Variants in CPEB1 observed in about 807,000 individuals in gnomAD.
CPEB1 encodes cytoplasmic polyadenylation element-binding protein 1.
Under a neutral mutation model 65.8 loss-of-function variants are expected in CPEB1, and 7 were observed. The ratio of observed to expected loss-of-function variants is 0.11; its 90% CI spans 0.06 to 0.20. The LOEUF (loss-of-function observed/expected upper bound fraction) is 0.20, where lower values mean the gene tolerates loss of function less well. Ranked by LOEUF, CPEB1 falls within the 10% of genes least tolerant of loss-of-function variation. CPEB1 has a pLI of 1.00. For synonymous variants in CPEB1, 262 were observed against 260.0 expected, an observed-to-expected ratio of 1.01 and a Z score of -0.08; for missense variants, 551 against 712.2, an observed-to-expected ratio of 0.77 and a Z score of 2.58.
chr15:82,602,174 T>C (rs2043176447), intron 3 of CPEB1, among the ~76,000 whole-genome samples: 1 of 152,170 alleles, frequency 6.6e-6, no homozygotes, highest in African/African-American at 2.4e-5. Flanking sequence ...ATGACCATAG[T>C]GGAATTAAGA....
chr15:82,605,611 C>T (rs930031297), intron 3 of CPEB1, among the ~76,000 whole-genome samples: 2 of 152,050 alleles, frequency 1.3e-5, no homozygotes, highest in African/African-American at 4.8e-5. Context: ...CATTTCACAG[C>T]GTATACATAT....
intron 6 of CPEB1, among the ~76,000 whole-genome samples, chr15:82,555,016 A>G (rs1567173046): frequency 6.6e-6 from 1 of 152,212 alleles, no homozygotes; most frequent in Non-Finnish European, 1.5e-5. Context: ...TCTGTGAGCA[A>G]ACAGACACAC....
intron 3 of CPEB1, among the ~76,000 whole-genome samples, chr15:82,595,565 AAC>A (rs1387308539): frequency 6.6e-6 from 1 of 152,224 alleles, no homozygotes; most frequent in Non-Finnish European, 1.5e-5. Context: ...AGACACATCA[AAC>A]ACATTAAATC....
chr15:82,598,645 C>T (rs1226418789), intron 3 of CPEB1, among the ~76,000 whole-genome samples: 2 of 151,938 alleles, frequency 1.3e-5, no homozygotes, highest in South Asian at 2.1e-4. Context: ...ATTAGCTGGG[C>T]GTGGTGGTGG....
At chr15:82,647,929 C>T (rs1283981014), upstream of CPEB1, 9 of 1,211,462 alleles carry the variant, frequency 7.4e-6, no homozygotes, top group African/African-American at 3.1e-5. Flanking sequence ...GGGCGAGAGA[C>T]GCGCACGCAC....
rs192009872 is a variant in CPEB1 at position 82,558,727 on chromosome 15, G to C, written c.461-741C>G. On this transcript the variant is annotated intron_variant, in intron 4 of 12. Transcript: ENST00000684509. Reference sequence around the variant, plus strand: ...GGAGTATCAACTATTTCATGACATTGTTAGGACAGCTCAATAATTAGATAC... The same window carrying C: ...GGAGTATCAACTATTTCATGACATTCTTAGGACAGCTCAATAATTAGATAC... 1.7e-3 allele frequency among the ~76,000 whole-genome samples: 262 copies of C among 152,228 alleles called. 1 individual carries two copies. The highest frequency in any genetic ancestry group is 2.7e-3 in the Non-Finnish European group (182 of 68,022).
intron 1 of CPEB1, among the ~76,000 whole-genome samples, chr15:82,646,840 C>G (rs972637779): frequency 6.6e-6 from 1 of 152,056 alleles, no homozygotes; most frequent in Non-Finnish European, 1.5e-5. Flanking sequence ...TGGGTGAGTC[C>G]CCCCACACTC....
At chr15:82,599,203 C>T (rs181075861) in intron 3 of CPEB1, among the ~76,000 whole-genome samples, 67 of 152,154 alleles carry the variant, frequency 4.4e-4, no homozygotes, top group African/African-American at 1.5e-3. Context: ...AGAATAAAAA[C>T]GTTGAAAAAT....
intron 4 of CPEB1, among the ~76,000 whole-genome samples, chr15:82,559,654 C>G (rs2037848433): frequency 6.6e-6 from 1 of 152,284 alleles, no homozygotes; most frequent in South Asian, 2.1e-4. Context: ...TTTTGTTTTT[C>G]AAGGAAACAT....
At position 82,557,942 on chromosome 15, in the gene CPEB1, G is replaced by A; in HGVS notation, c.505C>T (p.Pro169Ser). 1.2e-6 allele frequency: 2 copies of A among 1,613,636 alleles called. No individual in the cohort carries two copies. Among genetic ancestry groups the A allele is most frequent in the Non-Finnish European group, 1.7e-6 (2 of 1,179,784 alleles). ...TCCAGAGGCAGGAAGCTCAAGGGGG[G>A]TTTTCCTAGGACATTTCCCAGTGGG... is the stretch of plus-strand genomic sequence containing the variant. ...HNPLGNVLGK[P>S]PLSFLPLDPL... is the part of the protein sequence containing the mutation. The change falls in exon 5 of 13, where the codon CCC becomes TCC. Residue 169 changes from proline (P) to serine (S), a missense_variant. Physicochemically the swap from Pro to Ser is moderately conservative, Grantham distance 74. This residue lies in a region of CPEB1 where 223 missense variants were observed against 228.6 expected (regional missense o/e 0.98). Transcript: ENST00000684509.
At chr15:82,555,220 TATGTTTCCCAGGC>T (rs1373035524) in intron 6 of CPEB1, among the ~76,000 whole-genome samples, 5 of 152,268 alleles carry the variant, frequency 3.3e-5, no homozygotes, top group African/African-American at 1.2e-4. Flanking sequence ...GGGGTCTTGC[TATGTTTCCCAGGC>T]TGGGCAACTC....
At chr15:82,566,818 A>G (rs111245495) in intron 4 of CPEB1, among the ~76,000 whole-genome samples, 135 of 152,196 alleles carry the variant, frequency 8.9e-4, no homozygotes, top group African/African-American at 3.2e-3. Flanking sequence ...TTGACTCCAC[A>G]ATACAGCTCA....
At position 82,612,864 on chromosome 15, in the gene CPEB1, A is replaced by G. The variant is rs185878832; in HGVS notation, c.271+14329T>C. ...AAAGAACAAACAAACAAACAAACAA[A>G]CAAAACAAACAAACAAAAAACTGAA... On this transcript the variant is annotated intron_variant, in intron 3 of 12. Coordinates refer to ENST00000684509, the MANE Select transcript of CPEB1 (RefSeq NM_001365242.1). 1.8e-4 allele frequency among the ~76,000 whole-genome samples: 27 copies of G among 151,924 alleles called. 1 individual carries two copies. Among genetic ancestry groups the G allele is most frequent in the Admixed American group, 1.6e-3 (25 of 15,228 alleles).
rs74461587 is a variant in CPEB1, at chr15:82,628,488, T to C, written c.-29A>G. On this transcript the variant is annotated 5_prime_UTR_variant, in exon 2 of 13. Coordinates refer to ENST00000684509, the MANE Select transcript of CPEB1 (RefSeq NM_001365242.1). ...GACATTAGATGATCTGGCAAAAGGG[T>C]TCCGATTATTCAAGGCTGCTTTTGA... is the stretch of plus-strand genomic sequence containing the variant. The C allele has an allele frequency of 4.2e-3, 2,914 of 702,104 alleles. 55 individuals are homozygous for C. The African/African-American group carries it at 0.043, about 10-fold the overall frequency. 43.5% of individuals were successfully genotyped at this position (702,104 alleles called of 1,614,324 possible).
intron 1 of CPEB1, among the ~76,000 whole-genome samples, chr15:82,630,893 G>A (rs2046189934): frequency 6.6e-6 from 1 of 152,074 alleles, no homozygotes; most frequent in African/African-American, 2.4e-5. Flanking sequence ...ACAAAATTGT[G>A]TCTTTTCAAT....
At chr15:82,588,652 T>C (rs932074944) in intron 3 of CPEB1, among the ~76,000 whole-genome samples, 4 of 152,210 alleles carry the variant, frequency 2.6e-5, no homozygotes, top group Non-Finnish European at 5.9e-5. Flanking sequence ...AACATTGATC[T>C]TGACTTACTT....
intron 5 of CPEB1, among the ~76,000 whole-genome samples, chr15:82,557,122 T>C (rs181076071): frequency 2.0e-5 from 3 of 152,300 alleles, no homozygotes; most frequent in East Asian, 1.9e-4. Context: ...CTATCTATAA[T>C]ATCCCCTACC....
intron 3 of CPEB1, among the ~76,000 whole-genome samples, chr15:82,615,427 G>T (rs2044619860): frequency 6.6e-6 from 1 of 152,260 alleles, no homozygotes; most frequent in African/African-American, 2.4e-5. Flanking sequence ...CAATTTAGTT[G>T]TCAACTATGT....
intron 1 of CPEB1, among the ~76,000 whole-genome samples, chr15:82,632,370 A>T (rs2046334945): frequency 6.6e-6 from 1 of 152,168 alleles, no homozygotes; most frequent in South Asian, 2.1e-4. Context: ...CATGAAATTA[A>T]ATTTTGACTG....
Sources: allele counts gnomAD v4.1 joint callset (sites outside exome capture counted in the v4.1 genomes callset), GRCh38; gene constraint gnomAD v4.1.1; regional missense constraint gnomAD v4.1.1; transcripts MANE v1.5; gene names NCBI Gene and HGNC (gene_info 2026-07-23, HGNC 2026-07-21).